SKIL: variants seen among roughly 807,000 people sequenced by gnomAD.
SKIL encodes ski-like protein.
SKIL carries 20 observed loss-of-function variants against 69.6 expected under a neutral mutation model. The observed-to-expected ratio is 0.29, with a 90% CI of 0.20 to 0.42. SKIL has a LOEUF of 0.42. SKIL is among the 10% of genes least tolerant of loss of function. The pLI is 1.00. For synonymous variants in SKIL, 310 were observed against 279.9 expected (o/e 1.11, Z -1.08); for missense variants, 745 against 783.1 (o/e 0.95, Z 0.58).
chr3:170,360,119 C>A lies in SKIL; in HGVS notation c.-213C>A. 2.2e-6 allele frequency: 1 copy of A among 450,984 alleles called. No homozygotes were observed. The highest frequency in any genetic ancestry group is 5.2e-5 in the South Asian group (1 of 19,102). The allele number at this position is 450,984 out of a possible 1,614,324, so 27.9% of individuals were successfully genotyped here. On this transcript the variant is annotated 5_prime_UTR_variant, in exon 2 of 7. Transcript: ENST00000259119. ...TCTTTATTATTAGAGGCAAAACGAA[C>A]AATTTTATAGGATTTGTAGTGAAAT... is the stretch of plus-strand genomic sequence containing the variant.
In SKIL at chr3:170,360,683, C is replaced by T; in HGVS notation, c.352C>T (p.Pro118Ser). ...TCGGCATTCCCAAGAAAGCATGTCG[C>T]CTACTGTATTTCTGCCTCTTCCATC... is the stretch of plus-strand genomic sequence containing the variant. ...SARHSQESMS[P>S]TVFLPLPSPQ... is the part of the protein sequence containing the mutation. Residue 118 changes from proline (P) to serine (S), a missense_variant, in exon 2 of 7, where the codon CCT becomes TCT. Transcript: ENST00000259119. The T allele has an allele frequency of 6.2e-7, 1 of 1,614,198 alleles. No individual in the cohort carries two copies. The highest frequency in any genetic ancestry group is 8.5e-7 in the Non-Finnish European group (1 of 1,180,042).
chr3:170,366,776 A>C (rs1208814603), intron 2 of SKIL, among the ~76,000 whole-genome samples: 1 of 152,066 alleles, frequency 6.6e-6, no homozygotes, highest in African/African-American at 2.4e-5. Context: ...CTTACCTGAT[A>C]CGAGCTTTTT....
chr3:170,384,217 A>T (rs773247971), intron 3 of SKIL, among the ~76,000 whole-genome samples: 1 of 152,062 alleles, frequency 6.6e-6, no homozygotes, highest in East Asian at 1.9e-4. Context: ...GGTCCCAGCT[A>T]CCTGGGATGC....
chr3:170,369,622 G>A (rs953741532), intron 2 of SKIL, among the ~76,000 whole-genome samples: 4 of 151,984 alleles, frequency 2.6e-5, no homozygotes, highest in Admixed American at 1.3e-4. Flanking sequence ...GGCTGATCTC[G>A]AACTCCGTAC....
chr3:170,358,127 G>A (rs911273167), intron 1 of SKIL, among the ~76,000 whole-genome samples: 24 of 152,160 alleles, frequency 1.6e-4, no homozygotes, highest in Non-Finnish European at 2.9e-4. Flanking sequence ...CCCTGGTCTC[G>A]ACCCGGTCCG....
At position 170,360,391 on chromosome 3, in the gene SKIL, G is replaced by A; in HGVS notation, c.60G>A (p.Gly20=). ...AGGGCTCAACTAAAAAACTGAATGG[G>A]ATGGGAGATGATGGCAGCCCCCCAG... The part of the protein sequence containing the change: ...LVQGSTKKLN[G]MGDDGSPPAK... Residue 20 remains glycine (G), a synonymous_variant, in exon 2 of 7, where the codon GGG becomes GGA. Coordinates refer to ENST00000259119, the MANE Select transcript of SKIL (RefSeq NM_005414.5). 1 of 1,607,872 alleles carries A rather than the reference G, an allele frequency of 6.2e-7. No individual in the cohort carries two copies. The highest frequency in any genetic ancestry group is 8.5e-7 in the Non-Finnish European group (1 of 1,176,710).
intron 4 of SKIL, among the ~76,000 whole-genome samples, chr3:170,387,274 G>A (rs1424655803): frequency 7.9e-5 from 12 of 151,902 alleles, no homozygotes; most frequent in African/African-American, 2.4e-5. Context: ...CACCCGCCTC[G>A]GCCCATAATG....
Position 170,380,891 on chromosome 3 carries a change from A to G in SKIL, c.1099-353A>G, listed in dbSNP as rs576880810. Among the ~76,000 whole-genome samples, 5 of 152,092 alleles carry G rather than the reference A, an allele frequency of 3.3e-5. No homozygotes were observed. The South Asian group carries it at 1.0e-3, about 32-fold the overall frequency. On this transcript the variant is annotated intron_variant, in intron 2 of 6. Coordinates refer to ENST00000259119, the MANE Select transcript of SKIL (RefSeq NM_005414.5). Reference sequence around the variant, plus strand: ...GAGTGCAGTGGTGCAATCATGGTTCAATCATGGTTCACTGCAAGCCTCAAC... The same window carrying G: ...GAGTGCAGTGGTGCAATCATGGTTCGATCATGGTTCACTGCAAGCCTCAAC...
chr3:170,381,255 A>G lies in SKIL; in HGVS notation c.1110A>G (p.Pro370=), dbSNP rs769798163. 6.4e-7 allele frequency: 1 copy of G among 1,564,884 alleles called. No homozygotes were observed. The highest frequency in any genetic ancestry group is 8.8e-7 in the Non-Finnish European group (1 of 1,135,186). The part of the protein sequence containing the change: ...GKRNQSKTDA[P]SGMELQSWYP... ...ATGTTTTTCTGCAGACAGATGCACC[A>G]TCAGGAATGGAATTACAGTCATGGT... Residue 370 remains proline, a synonymous_variant, in exon 3 of 7, where the codon CCA becomes CCG. Coordinates refer to ENST00000259119, the MANE Select transcript of SKIL (RefSeq NM_005414.5).
In SKIL at chr3:170,394,104, T is replaced by A. The variant is rs1258879679; in HGVS notation, c.*1687T>A. On this transcript the variant is annotated 3_prime_UTR_variant, in exon 7 of 7. Coordinates refer to ENST00000259119, the MANE Select transcript of SKIL (RefSeq NM_005414.5). ...AGGAGGAACAAATATTAAAATGACA[T>A]GTAGAAACAAATTTTTTTTTTTTTT... 6.7e-6 allele frequency: 1 copy of A among 148,856 alleles called. No homozygotes were observed. Among genetic ancestry groups the A allele is most frequent in the Non-Finnish European group, 1.5e-5 (1 of 67,684 alleles). 9.2% of individuals were successfully genotyped at this position (148,856 alleles called of 1,614,324 possible).
At chr3:170,386,448 T>A (rs1737638306) in intron 4 of SKIL, among the ~76,000 whole-genome samples, 1 of 152,028 alleles carries the variant, frequency 6.6e-6, no homozygotes, top group African/African-American at 2.4e-5. Context: ...TCTATACATT[T>A]ATTTTGAGGG....
Position 170,359,958 on chromosome 3 carries a change from A to T in SKIL, c.-374A>T. On this transcript the variant is annotated 5_prime_UTR_variant, in exon 2 of 7. An upstream start codon of the reference 5' UTR is lost. Coordinates refer to ENST00000259119, the MANE Select transcript of SKIL (RefSeq NM_005414.5). ...GCACAAGGAATGGCATAAACTTTTC[A>T]TGTGTTTTGGTTAAAACAAACCAGA... 6.1e-6 allele frequency: 1 copy of T among 162,728 alleles called. No homozygotes were observed. Among genetic ancestry groups the T allele is most frequent in the Admixed American group, 6.2e-5 (1 of 16,118 alleles). 10.1% of individuals were successfully genotyped at this position (162,728 alleles called of 1,614,324 possible). A position where few individuals can be genotyped will look rare whatever the true frequency, so the allele number is the denominator to read the frequency against.
rs1560224797 is a variant in SKIL, at chr3:170,394,114, A to ATTTT, written c.*1697_*1698insTTTT. 285 of 131,670 alleles carry ATTTT rather than the reference A, an allele frequency of 2.2e-3. 3 individuals are homozygous for ATTTT. Among genetic ancestry groups the ATTTT allele is most frequent in the African/African-American group, 8.4e-3 (273 of 32,400 alleles). 8.2% of individuals were successfully genotyped at this position (131,670 alleles called of 1,614,324 possible). Reference sequence around the variant, plus strand: ...AATATTAAAATGACATGTAGAAACAAATTTTTTTTTTTTTTTTTTTTTTTT... The same window carrying ATTTT: ...AATATTAAAATGACATGTAGAAACAATTTTATTTTTTTTTTTTTTTTTTTTTTTT... On this transcript the variant is annotated 3_prime_UTR_variant, in exon 7 of 7. Transcript: ENST00000259119.
At chr3:170,389,819 G>T (rs904621908) in intron 4 of SKIL, among the ~76,000 whole-genome samples, 2 of 152,050 alleles carry the variant, frequency 1.3e-5, no homozygotes, top group African/African-American at 2.4e-5. Context: ...TTTCAACTTC[G>T]TTATTCTTTT....
At chr3:170,370,099 C>T (rs973914631) in intron 2 of SKIL, among the ~76,000 whole-genome samples, 5 of 151,866 alleles carry the variant, frequency 3.3e-5, no homozygotes, top group African/African-American at 1.2e-4. Flanking sequence ...ATTAGCCGGG[C>T]GCGGTGGCAG....
intron 2 of SKIL, among the ~76,000 whole-genome samples, chr3:170,362,121 T>C (rs1736272901): frequency 6.6e-6 from 1 of 152,144 alleles, no homozygotes. Flanking sequence ...GGAAAAGACA[T>C]GTATCTGAAG....
At chr3:170,381,616 A>G (rs564777561) in intron 3 of SKIL, among the ~76,000 whole-genome samples, 2 of 151,710 alleles carry the variant, frequency 1.3e-5, no homozygotes, top group East Asian at 2.0e-4. Context: ...TAGTTTTAGT[A>G]TAGATGGGGT....
intron 2 of SKIL, among the ~76,000 whole-genome samples, chr3:170,378,905 C>T (rs1737187775): frequency 6.6e-6 from 1 of 151,676 alleles, no homozygotes; most frequent in Non-Finnish European, 1.5e-5. Flanking sequence ...GAGATGGATT[C>T]TGGCTCAGTT....
At position 170,392,814 on chromosome 3, in the gene SKIL, T is replaced by C. The variant is rs1390706941; in HGVS notation, c.*397T>C. The stretch of plus-strand genomic sequence containing the variant: ...TTTAGATACAATGGTGGCTTTATAT[T>C]TTAAGTATATAGAGCTACTCAAGGA... On this transcript the variant is annotated 3_prime_UTR_variant, in exon 7 of 7. Coordinates refer to ENST00000259119, the MANE Select transcript of SKIL (RefSeq NM_005414.5). 2 of 153,936 alleles carry C rather than the reference T, an allele frequency of 1.3e-5. No homozygotes were observed. Among genetic ancestry groups the C allele is most frequent in the East Asian group, 3.8e-4 (2 of 5,260 alleles). The allele number at this position is 153,936 out of a possible 1,614,324, so 9.5% of individuals were successfully genotyped here. A position where few individuals can be genotyped will look rare whatever the true frequency, so the allele number is the denominator to read the frequency against.
Sources: allele counts gnomAD v4.1 joint callset (sites outside exome capture counted in the v4.1 genomes callset), GRCh38; gene constraint gnomAD v4.1.1; transcripts MANE v1.5; gene names NCBI Gene and HGNC (gene_info 2026-07-23, HGNC 2026-07-21).